The following PRELID2 variants were observed in gnomAD, a reference collection of about 807,000 sequenced individuals.
The protein encoded by PRELID2 is PRELI domain-containing protein 2.
A neutral mutation model predicts 28.4 loss-of-function variants in PRELID2; 25 were observed. That is an observed-to-expected ratio of 0.88 (90% CI 0.64 to 1.23). PRELID2 has a LOEUF of 1.23. PRELID2 is among the 50% of genes most tolerant of loss of function. The pLI is 0.00. For synonymous variants in PRELID2, 76 were observed against 71.6 expected (o/e 1.06, Z -0.31); for missense variants, 201 against 214.4 (o/e 0.94, Z 0.39).
intron 1 of PRELID2, among the ~76,000 whole-genome samples, chr5:145,515,788 C>G (rs1012778216): frequency 1.2e-4 from 19 of 152,254 alleles, no homozygotes; most frequent in Non-Finnish European, 2.4e-4. Flanking sequence ...GAAGCTTATC[C>G]ACCACGATCA....
intron 1 of PRELID2, among the ~76,000 whole-genome samples, chr5:145,592,155 G>A (rs1753238652): frequency 6.6e-6 from 1 of 152,152 alleles, no homozygotes; most frequent in Non-Finnish European, 1.5e-5. Flanking sequence ...GGTGGCTCAC[G>A]CCTGTAATCC....
At chr5:145,517,109 A>C (rs138319734) in intron 1 of PRELID2, among the ~76,000 whole-genome samples, 32,811 of 152,124 alleles carry the variant, frequency 0.22, 4,039 homozygotes, top group South Asian at 0.37. Flanking sequence ...ACCAAAAGCA[A>C]TGGTAACAAA....
chr5:145,403,797 G>C, the PRELID2 span, among the ~76,000 whole-genome samples: 1 of 152,142 alleles, frequency 6.6e-6, no homozygotes, highest in Non-Finnish European at 1.5e-5. Context: ...GGGGATCCTA[G>C]CTCCAAAACC....
chr5:145,683,298 C>T (rs77935136), intron 1 of PRELID2, among the ~76,000 whole-genome samples: 10,477 of 152,152 alleles, frequency 0.069, 552 homozygotes, highest in Admixed American at 0.18. Flanking sequence ...TTCTATACTA[C>T]CCCTAGAATA....
the PRELID2 span, among the ~76,000 whole-genome samples, chr5:145,259,463 C>T: frequency 6.6e-6 from 1 of 152,196 alleles, no homozygotes; most frequent in African/African-American, 2.4e-5. Flanking sequence ...TGGAAACCCA[C>T]CCTTTGCACC....
intron 1 of PRELID2, among the ~76,000 whole-genome samples, chr5:145,481,238 T>C (rs993488390): frequency 2.0e-5 from 3 of 152,134 alleles, no homozygotes; most frequent in African/African-American, 7.2e-5. Flanking sequence ...TAGGGCTGCA[T>C]TACCTTTGGT....
At chr5:145,264,528 C>T in the PRELID2 span, among the ~76,000 whole-genome samples, 1 of 152,002 alleles carries the variant, frequency 6.6e-6, no homozygotes, top group Non-Finnish European at 1.5e-5. Context: ...AAACCCACAG[C>T]CAAAATTATA....
At chr5:145,813,570 GT>G (rs1754091434) in intron 4 of PRELID2, among the ~76,000 whole-genome samples, 1 of 145,800 alleles carries the variant, frequency 6.9e-6, no homozygotes, top group Non-Finnish European at 1.5e-5. Flanking sequence ...TGTGCTCAAG[GT>G]GGAGTCTACA....
the PRELID2 span, among the ~76,000 whole-genome samples, chr5:145,323,061 G>A: frequency 7.2e-5 from 11 of 152,094 alleles, no homozygotes; most frequent in Admixed American, 3.3e-4. Flanking sequence ...CACACTACAG[G>A]GTCCTGAGAT....
chr5:145,733,163 G>A (rs1049132942), intron 1 of PRELID2, among the ~76,000 whole-genome samples: 1 of 152,090 alleles, frequency 6.6e-6, no homozygotes, highest in African/African-American at 2.4e-5. Context: ...TCGAGAGGCT[G>A]AGGTGGGAGG....
the PRELID2 span, among the ~76,000 whole-genome samples, chr5:145,440,255 T>C: frequency 3.3e-5 from 5 of 152,112 alleles, no homozygotes; most frequent in African/African-American, 4.8e-5. Flanking sequence ...CCTGAGAGGA[T>C]AGAGCCTTCC....
Position 145,574,860 on chromosome 5 carries a change from G to C in PRELID2, n.71-101545C>G, listed in dbSNP as rs143511005. The stretch of plus-strand genomic sequence containing the variant: ...CAATGTAAATGCTATGTAAGTAGCT[G>C]TCATACTGTATTGTTTAGGAAAAAT... On this transcript the variant is annotated intron_variant and non_coding_transcript_variant, in intron 1 of 2. Transcript: ENST00000510259. Among the ~76,000 whole-genome samples, 253 of 152,282 alleles carry C rather than the reference G, an allele frequency of 1.7e-3. 1 individual carries two copies. The highest frequency in any genetic ancestry group is 6.8e-3 in the Middle Eastern group (2 of 294).
At chr5:145,402,452 C>A in the PRELID2 span, among the ~76,000 whole-genome samples, 1 of 152,080 alleles carries the variant, frequency 6.6e-6, no homozygotes, top group East Asian at 1.9e-4. Context: ...GAATTTATGC[C>A]AGGGACACAT....
chr5:145,502,770 T>C (rs1224305729), intron 1 of PRELID2, among the ~76,000 whole-genome samples: 2 of 152,020 alleles, frequency 1.3e-5, no homozygotes, highest in Non-Finnish European at 1.5e-5. Flanking sequence ...AGGCCTCCAG[T>C]AGCCATGGCT....
chr5:145,694,844 A>G (rs1308673471), intron 1 of PRELID2, among the ~76,000 whole-genome samples: 1 of 152,002 alleles, frequency 6.6e-6, no homozygotes, highest in Non-Finnish European at 1.5e-5. Flanking sequence ...GCAGAGGGAC[A>G]AAGGGGAACA....
At chr5:145,309,599 T>C in the PRELID2 span, among the ~76,000 whole-genome samples, 1 of 152,226 alleles carries the variant, frequency 6.6e-6, no homozygotes, top group Non-Finnish European at 1.5e-5. Context: ...CCCTTTTATT[T>C]GATTCTACTC....
the PRELID2 span, among the ~76,000 whole-genome samples, chr5:145,349,437 G>A: frequency 6.6e-6 from 1 of 152,028 alleles, no homozygotes; most frequent in African/African-American, 2.4e-5. Flanking sequence ...CAAATCCCAA[G>A]TATACCTCCT....
chr5:145,435,280 G>A, the PRELID2 span, among the ~76,000 whole-genome samples: 9 of 152,270 alleles, frequency 5.9e-5, no homozygotes, highest in African/African-American at 1.7e-4. Flanking sequence ...CAGGGAGGGC[G>A]TCTTTGAGGA....
chr5:145,331,267 A>G, the PRELID2 span, among the ~76,000 whole-genome samples: 3 of 152,054 alleles, frequency 2.0e-5, no homozygotes, highest in Non-Finnish European at 4.4e-5. Flanking sequence ...TGGGGTGGAG[A>G]GTTCTGTAGA....
Sources: allele counts gnomAD v4.1 joint callset (sites outside exome capture counted in the v4.1 genomes callset), GRCh38; gene constraint gnomAD v4.1.1; transcripts MANE v1.5; gene names NCBI Gene and HGNC (gene_info 2026-07-23, HGNC 2026-07-21).